ITPR2: variants seen among roughly 807,000 people sequenced by gnomAD.
The protein encoded by ITPR2 is inositol 1,4,5-trisphosphate receptor type 2.
Under a neutral mutation model 317.1 loss-of-function variants are expected in ITPR2, and 207 were observed. That is an observed-to-expected ratio of 0.65 (90% confidence interval 0.58 to 0.73). The LOEUF is 0.73. ITPR2 is among the 30% of genes least tolerant of loss of function. The pLI is 0.00. For missense variants in ITPR2, 2,613 were observed against 3,284.0 expected, an observed-to-expected ratio of 0.80 and a Z score of 4.99; for synonymous variants, 1,156 against 1,149.1, an observed-to-expected ratio of 1.01 and a Z score of -0.12.
intron 26 of ITPR2, among the ~76,000 whole-genome samples, chr12:26,603,749 C>G (rs933562707): frequency 1.3e-5 from 2 of 152,110 alleles, no homozygotes; most frequent in African/African-American, 4.8e-5. Flanking sequence ...TTTAAATGAG[C>G]AGGGAAAAGC....
chr12:26,705,960 C>G (rs1319223617), intron 9 of ITPR2, among the ~76,000 whole-genome samples: 1 of 152,176 alleles, frequency 6.6e-6, no homozygotes, highest in Non-Finnish European at 1.5e-5. Context: ...AAGACAACTA[C>G]CTTATTTGTT....
intron 2 of ITPR2, among the ~76,000 whole-genome samples, chr12:26,763,910 A>G (rs1949677772): frequency 6.6e-6 from 1 of 152,034 alleles, no homozygotes; most frequent in Non-Finnish European, 1.5e-5. Context: ...CTCCTCCTCA[A>G]CCTTTCTTTA....
At chr12:26,644,482 C>A (rs191310635) in intron 21 of ITPR2, among the ~76,000 whole-genome samples, 2 of 152,296 alleles carry the variant, frequency 1.3e-5, no homozygotes, top group Non-Finnish European at 2.9e-5. Context: ...ACCCGATACT[C>A]GGTAACTTAT....
At chr12:26,738,120 G>A (rs1949162137) in intron 2 of ITPR2, among the ~76,000 whole-genome samples, 1 of 152,142 alleles carries the variant, frequency 6.6e-6, no homozygotes, top group African/African-American at 2.4e-5. Context: ...TTTAATCTCT[G>A]TAGAAAACTT....
At chr12:26,646,148 G>A (rs148238220) in intron 21 of ITPR2, among the ~76,000 whole-genome samples, 17 of 151,838 alleles carry the variant, frequency 1.1e-4, no homozygotes, top group African/African-American at 3.6e-4. Flanking sequence ...AAAGAAGAAC[G>A]CCATTCAATG....
intron 37 of ITPR2, among the ~76,000 whole-genome samples, chr12:26,511,789 G>A (rs1049632774): frequency 5.3e-5 from 8 of 152,182 alleles, no homozygotes; most frequent in African/African-American, 1.9e-4. Context: ...TGAGGCCAAC[G>A]CATAGACAGC....
intron 26 of ITPR2, among the ~76,000 whole-genome samples, chr12:26,617,968 T>C (rs916909488): frequency 6.6e-6 from 1 of 152,184 alleles, no homozygotes; most frequent in Non-Finnish European, 1.5e-5. Context: ...CTATTTAAGA[T>C]TTATGTCATT....
rs1269312483 is a variant in ITPR2, at chr12:26,337,905, G to C, written c.*1492C>G. 1 of 152,190 alleles carries C rather than the reference G, an allele frequency of 6.6e-6. No individual in the cohort carries two copies. The highest frequency in any genetic ancestry group is 1.5e-5 in the Non-Finnish European group (1 of 68,038). The allele number at this position is 152,190 out of a possible 1,614,324, so 9.4% of individuals were successfully genotyped here. A position where few individuals can be genotyped will look rare whatever the true frequency, so the allele number is the denominator to read the frequency against. On this transcript the variant is annotated 3_prime_UTR_variant, in exon 57 of 57. Coordinates refer to ENST00000381340, the MANE Select transcript of ITPR2 (RefSeq NM_002223.4). Reference sequence around the variant, plus strand: ...TTCCTTTATATTCTACATAGATCTTGATTTGGGATTTTTAGGAACCAATAG... The same window carrying C: ...TTCCTTTATATTCTACATAGATCTTCATTTGGGATTTTTAGGAACCAATAG...
chr12:26,735,070 G>A (rs567772499), intron 2 of ITPR2, among the ~76,000 whole-genome samples: 4 of 140,410 alleles, frequency 2.8e-5, no homozygotes, highest in Non-Finnish European at 6.0e-5. Flanking sequence ...GCACGATCTC[G>A]GCTCACCACA....
chr12:26,659,091 T>C (rs775163492), intron 16 of ITPR2, 22 bp downstream of exon 16: 2 of 1,585,060 alleles, frequency 1.3e-6, no homozygotes, highest in African/African-American at 1.4e-5. Context: ...TAGAAAAGAA[T>C]ACCGCATGAA....
intron 2 of ITPR2, among the ~76,000 whole-genome samples, chr12:26,738,974 C>T (rs73294380): frequency 0.038 from 5,795 of 152,230 alleles, 200 homozygotes; most frequent in African/African-American, 0.097. Flanking sequence ...GCTTTTACAA[C>T]TCAATAAAAG....
At chr12:26,363,817 A>AAATGCTTG (rs1309498373) in intron 55 of ITPR2, among the ~76,000 whole-genome samples, 1 of 152,222 alleles carries the variant, frequency 6.6e-6, no homozygotes, top group Non-Finnish European at 1.5e-5. Flanking sequence ...GATACTTCTA[A>AAATGCTTG]AATGCTTGAA....
chr12:26,514,098 TA>T (rs1436701990), intron 37 of ITPR2, among the ~76,000 whole-genome samples: 8 of 152,256 alleles, frequency 5.3e-5, no homozygotes, highest in African/African-American at 1.9e-4. Context: ...ATTTTAGTCT[TA>T]TTTTTTAATA....
chr12:26,811,542 G>A (rs1417167933), intron 1 of ITPR2, among the ~76,000 whole-genome samples: 10 of 151,636 alleles, frequency 6.6e-5, no homozygotes, highest in Admixed American at 1.3e-4. Flanking sequence ...TCAGGAGATC[G>A]AGACCACCCT....
chr12:26,729,465 A>G (rs551041783), intron 2 of ITPR2, among the ~76,000 whole-genome samples: 128 of 152,312 alleles, frequency 8.4e-4, no homozygotes, highest in African/African-American at 3.0e-3. Flanking sequence ...ATATGCCCAA[A>G]GGAATATAAA....
chr12:26,772,043 C>T (rs1197878895), intron 2 of ITPR2, among the ~76,000 whole-genome samples: 6 of 151,904 alleles, frequency 3.9e-5, no homozygotes, highest in Non-Finnish European at 5.9e-5. Flanking sequence ...ATTGATTTAC[C>T]GTGTAACAGC....
At chr12:26,346,623 CAAAA>C (rs35862587) in intron 55 of ITPR2, among the ~76,000 whole-genome samples, 1 of 135,466 alleles carries the variant, frequency 7.4e-6, no homozygotes, top group Non-Finnish European at 1.6e-5. Flanking sequence ...AAGACTTTCT[CAAAA>C]AAAAAAAAAA....
rs1391608397 is a variant in ITPR2, at chr12:26,624,351, C to G, written c.3070G>C (p.Val1024Leu). The G allele has an allele frequency of 6.2e-7, 1 of 1,606,488 alleles. No homozygotes were observed. Among genetic ancestry groups the G allele is most frequent in the African/African-American group, 1.3e-5 (1 of 74,636 alleles). The part of the protein sequence containing the change: ...SPDTLLPSAI[V>L]PDIDEIAAQA... Reference sequence around the variant, plus strand: ...GCTGCAATTTCATCTATATCAGGAACAATAGCTGCAAAGATAAATGGTAAA... The same window carrying G: ...GCTGCAATTTCATCTATATCAGGAAGAATAGCTGCAAAGATAAATGGTAAA... The change falls in exon 24 of 57, where the codon GTT becomes CTT. Residue 1024 changes from valine (V) to leucine (L), a missense_variant. This residue lies in a region of ITPR2 where 817 missense variants were observed against 897.6 expected (regional missense o/e 0.91). Coordinates refer to ENST00000381340, the MANE Select transcript of ITPR2 (RefSeq NM_002223.4).
intron 55 of ITPR2, among the ~76,000 whole-genome samples, chr12:26,355,851 C>G (rs1938622414): frequency 6.6e-6 from 1 of 152,152 alleles, no homozygotes; most frequent in Admixed American, 6.5e-5. Flanking sequence ...GGGGTCAGCA[C>G]AACACAGAGG....
Sources: allele counts gnomAD v4.1 joint callset (sites outside exome capture counted in the v4.1 genomes callset), GRCh38; gene constraint gnomAD v4.1.1; regional missense constraint gnomAD v4.1.1; transcripts MANE v1.5; gene names NCBI Gene and HGNC (gene_info 2026-07-23, HGNC 2026-07-21).